CPNE8: variants seen among roughly 807,000 people sequenced by gnomAD.
CPNE8 encodes copine-8.
CPNE8 carries 45 observed loss-of-function variants against 81.5 expected under a neutral mutation model. The ratio of observed to expected loss-of-function variants is 0.55; its 90% CI spans 0.44 to 0.71. The LOEUF (loss-of-function observed/expected upper bound fraction) is 0.71. Among genes scored for constraint, CPNE8 ranks in the 30% least tolerant of loss-of-function variants. The probability of loss-of-function intolerance (pLI) is 0.00; values close to 1 mark genes in which losing one functional copy is unlikely to be tolerated. For missense variants in CPNE8, 594 were observed against 672.1 expected (o/e 0.88, Z 1.28); for synonymous variants, 252 against 226.3 (o/e 1.11, Z -1.02).
At chr12:38,774,298 G>A (rs1592077052) in intron 7 of CPNE8, among the ~76,000 whole-genome samples, 2 of 152,156 alleles carry the variant, frequency 1.3e-5, no homozygotes, top group Middle Eastern at 6.8e-3. Flanking sequence ...TGACAAAATA[G>A]CATGTTAATA....
intron 14 of CPNE8, among the ~76,000 whole-genome samples, chr12:38,702,382 A>G (rs1429655715): frequency 6.6e-6 from 1 of 152,170 alleles, no homozygotes; most frequent in Non-Finnish European, 1.5e-5. Context: ...TTAATGTGTT[A>G]ACATAAGTAA....
intron 4 of CPNE8, among the ~76,000 whole-genome samples, chr12:38,844,219 C>A (rs1287414193): frequency 6.6e-6 from 1 of 152,000 alleles, no homozygotes; most frequent in African/African-American, 2.4e-5. Context: ...TCAGATATCC[C>A]TTTTTAGTGT....
chr12:38,901,370 T>A (rs1206952436), intron 1 of CPNE8, among the ~76,000 whole-genome samples: 2 of 152,168 alleles, frequency 1.3e-5, no homozygotes, highest in Non-Finnish European at 2.9e-5. Context: ...GAGAAAATGA[T>A]GAAAATCAGT....
intron 6 of CPNE8, among the ~76,000 whole-genome samples, chr12:38,792,851 T>C (rs1408558768): frequency 6.6e-6 from 1 of 151,730 alleles, no homozygotes; most frequent in Admixed American, 6.6e-5. Context: ...ACTGGCAAAC[T>C]GAAATCAATG....
intron 6 of CPNE8, among the ~76,000 whole-genome samples, chr12:38,800,717 G>A (rs1241458115): frequency 9.8e-5 from 1 of 10,216 alleles, no homozygotes; most frequent in African/African-American, 2.3e-4. Flanking sequence ...CTGAGCTACG[G>A]GAGGACATTC....
At chr12:38,754,627 T>A (rs1941421858) in intron 10 of CPNE8, among the ~76,000 whole-genome samples, 1 of 151,540 alleles carries the variant, frequency 6.6e-6, no homozygotes, top group East Asian at 1.9e-4. Flanking sequence ...TCAGGTATAC[T>A]AGATACATAT....
chr12:38,799,222 C>T (rs888094772), intron 6 of CPNE8, among the ~76,000 whole-genome samples: 16 of 152,234 alleles, frequency 1.1e-4, no homozygotes, highest in Middle Eastern at 3.4e-3. Context: ...ACAGAACTCT[C>T]CACCCTAAAT....
intron 6 of CPNE8, among the ~76,000 whole-genome samples, chr12:38,807,002 C>T (rs377317698): frequency 2.6e-5 from 4 of 151,708 alleles, no homozygotes; most frequent in East Asian, 1.9e-4. Flanking sequence ...CCATTCACAA[C>T]TGCTTCAAAG....
intron 13 of CPNE8, among the ~76,000 whole-genome samples, chr12:38,718,662 A>G (rs550445641): frequency 1.3e-5 from 2 of 152,336 alleles, no homozygotes; most frequent in South Asian, 4.1e-4. Context: ...AAATACGTAT[A>G]TCATTAAATC....
intron 5 of CPNE8, among the ~76,000 whole-genome samples, chr12:38,834,748 T>G (rs1943353623): frequency 6.6e-6 from 1 of 152,188 alleles, no homozygotes; most frequent in Non-Finnish European, 1.5e-5. Context: ...AACTCTTTTT[T>G]TAACTGTGGC....
At chr12:38,756,652 T>C (rs2136838137) in intron 10 of CPNE8, among the ~76,000 whole-genome samples, 1 of 152,340 alleles carries the variant, frequency 6.6e-6, no homozygotes, top group African/African-American at 2.4e-5. Context: ...TAAATTTACA[T>C]ACAAAATAAT....
chr12:38,784,683 T>C (rs1247972795), intron 6 of CPNE8, among the ~76,000 whole-genome samples: 1 of 152,108 alleles, frequency 6.6e-6, no homozygotes, highest in African/African-American at 2.4e-5. Context: ...AGCAGACTTT[T>C]CAGTGAAATC....
intron 10 of CPNE8, among the ~76,000 whole-genome samples, chr12:38,730,967 G>A (rs1420384618): frequency 1.3e-5 from 2 of 151,772 alleles, no homozygotes; most frequent in Non-Finnish European, 3.0e-5. Flanking sequence ...GTTTAGGTGA[G>A]GAGGGGTAAG....
chr12:38,768,252 T>C (rs1179371998), intron 7 of CPNE8, among the ~76,000 whole-genome samples: 2 of 152,058 alleles, frequency 1.3e-5, no homozygotes, highest in Non-Finnish European at 2.9e-5. Context: ...TTCTTAATCA[T>C]ATACAAGTGT....
At chr12:38,848,466 T>C (rs1943591719) in intron 4 of CPNE8, 93 bp downstream of exon 4, 3 of 1,432,774 alleles carry the variant, frequency 2.1e-6, no homozygotes, top group Non-Finnish European at 2.7e-6. Flanking sequence ...CAATATAATC[T>C]AGAACTCAGT....
At chr12:38,833,169 A>G (rs1356131665) in intron 5 of CPNE8, among the ~76,000 whole-genome samples, 6 of 151,764 alleles carry the variant, frequency 4.0e-5, no homozygotes, top group African/African-American at 1.5e-4. Context: ...TCGGGCCAAC[A>G]TGGTGAAACC....
chr12:38,890,981 C>A (rs1944306747), intron 1 of CPNE8, among the ~76,000 whole-genome samples: 1 of 151,484 alleles, frequency 6.6e-6, no homozygotes, highest in South Asian at 2.1e-4. Flanking sequence ...ACCCAGAGTG[C>A]AGTGGCATAG....
intron 1 of CPNE8, among the ~76,000 whole-genome samples, chr12:38,888,859 T>C (rs1258344529): frequency 6.6e-6 from 1 of 152,194 alleles, no homozygotes; most frequent in Admixed American, 6.5e-5. Flanking sequence ...TTCAACTCAA[T>C]TAATACTATA....
intron 3 of CPNE8, among the ~76,000 whole-genome samples, chr12:38,851,047 C>A (rs1565648060): frequency 6.6e-6 from 1 of 152,200 alleles, no homozygotes; most frequent in African/African-American, 2.4e-5. Context: ...CGTCTTCCAC[C>A]ATGTGATACA....
Sources: allele counts gnomAD v4.1 joint callset (sites outside exome capture counted in the v4.1 genomes callset), GRCh38; gene constraint gnomAD v4.1.1; transcripts MANE v1.5; gene names NCBI Gene and HGNC (gene_info 2026-07-23, HGNC 2026-07-21).